The following NTRK3 variants were observed in gnomAD, a reference collection of about 807,000 sequenced individuals.
The protein encoded by NTRK3 is NT-3 growth factor receptor.
A neutral mutation model predicts 91.7 loss-of-function variants in NTRK3; 24 were observed. That is an observed-to-expected ratio of 0.26 (90% CI 0.19 to 0.37). The LOEUF is 0.37. Among genes scored for constraint, NTRK3 ranks in the 10% least tolerant of loss-of-function variants. NTRK3 has a pLI of 1.00. For missense variants in NTRK3, 880 were observed against 1,068.9 expected, an observed-to-expected ratio of 0.82 and a Z score of 2.46; for synonymous variants, 483 against 404.0, an observed-to-expected ratio of 1.20 and a Z score of -2.34.
At chr15:87,879,106 A>C (rs921043389) in intron 18 of NTRK3, among the ~76,000 whole-genome samples, 3 of 152,302 alleles carry the variant, frequency 2.0e-5, no homozygotes, top group South Asian at 2.1e-4. Context: ...GAGCTTGTGA[A>C]TCATGAGATA....
intron 13 of NTRK3, among the ~76,000 whole-genome samples, chr15:88,059,851 C>T (rs754140912): frequency 1.5e-4 from 23 of 152,190 alleles, no homozygotes; most frequent in Admixed American, 3.9e-4. Context: ...CAAGCCCTAA[C>T]CCAATGTCAC....
intron 13 of NTRK3, among the ~76,000 whole-genome samples, chr15:88,082,393 GA>G (rs1211092526): frequency 6.6e-6 from 1 of 152,080 alleles, no homozygotes; most frequent in Non-Finnish European, 1.5e-5. Context: ...TACATGCAAT[GA>G]GTGCTGATCT....
At chr15:88,082,307 G>A (rs1448147680) in intron 13 of NTRK3, among the ~76,000 whole-genome samples, 7 of 150,966 alleles carry the variant, frequency 4.6e-5, no homozygotes. Context: ...AGGTTCACCT[G>A]ACCATGGTGC....
intron 11 of NTRK3, among the ~76,000 whole-genome samples, chr15:88,128,054 C>G (rs1296470339): frequency 6.6e-6 from 1 of 152,196 alleles, no homozygotes; most frequent in African/African-American, 2.4e-5. Context: ...CCTATTATCT[C>G]AAGCCAGACA....
chr15:88,225,402 C>G (rs1182807640), intron 3 of NTRK3, among the ~76,000 whole-genome samples: 1 of 152,158 alleles, frequency 6.6e-6, no homozygotes, highest in Non-Finnish European at 1.5e-5. Context: ...CTGCAGAAGC[C>G]ACCCATCCCA....
intron 5 of NTRK3, among the ~76,000 whole-genome samples, chr15:88,181,125 A>C (rs1375536901): frequency 6.6e-6 from 1 of 151,956 alleles, no homozygotes; most frequent in East Asian, 1.9e-4. Context: ...ACTAATGGTC[A>C]TCCATCCTTC....
intron 14 of NTRK3, among the ~76,000 whole-genome samples, chr15:88,010,344 C>T (rs1169414413): frequency 1.3e-5 from 2 of 152,192 alleles, no homozygotes; most frequent in African/African-American, 2.4e-5. Context: ...CTTGGAACTT[C>T]GGGTCTTCTC....
At position 88,005,111 on chromosome 15, in the gene NTRK3, A is replaced by G. The variant is rs546167088; in HGVS notation, c.1585+27746T>C. On this transcript the variant is annotated intron_variant, in intron 14 of 18. Transcript: ENST00000394480. ...TTTCACCTGCATTTGTTTTCCCTCTATTGATTTGGGTCTCTTTGCTCACTG... is the reference window on the plus strand; with the variant it reads ...TTTCACCTGCATTTGTTTTCCCTCTGTTGATTTGGGTCTCTTTGCTCACTG... Among the ~76,000 whole-genome samples, 13 of 152,172 alleles carry G rather than the reference A, an allele frequency of 8.5e-5. 1 individual carries two copies. The highest frequency in any genetic ancestry group is 4.6e-4 in the Admixed American group (7 of 15,296).
chr15:87,964,714 G>A (rs1368981484), intron 14 of NTRK3, among the ~76,000 whole-genome samples: 1 of 152,106 alleles, frequency 6.6e-6, no homozygotes, highest in Non-Finnish European at 1.5e-5. Flanking sequence ...GCCTCTTCTT[G>A]ACATTGCACA....
chr15:88,181,062 G>A (rs751238078), intron 5 of NTRK3, among the ~76,000 whole-genome samples: 2 of 152,090 alleles, frequency 1.3e-5, no homozygotes, highest in Non-Finnish European at 2.9e-5. Flanking sequence ...CTTGAACTAG[G>A]TTGAGCACCC....
chr15:87,957,158 AG>A (rs1367778233), intron 14 of NTRK3, among the ~76,000 whole-genome samples: 2 of 142,760 alleles, frequency 1.4e-5, no homozygotes, highest in Non-Finnish European at 3.0e-5. Context: ...CAGTTTCCTT[AG>A]CTGTAAAATG....
At chr15:87,922,106 A>G (rs1489387631) in intron 17 of NTRK3, among the ~76,000 whole-genome samples, 1 of 152,172 alleles carries the variant, frequency 6.6e-6, no homozygotes, top group Non-Finnish European at 1.5e-5. Context: ...CTAAAAGTCA[A>G]TTGCCTCAAA....
At chr15:88,057,023 G>T (rs986606123) in intron 13 of NTRK3, among the ~76,000 whole-genome samples, 1 of 151,376 alleles carries the variant, frequency 6.6e-6, no homozygotes, top group Non-Finnish European at 1.5e-5. Context: ...ACAAAAATTA[G>T]CCGGGCATGG....
At chr15:88,115,181 C>A (rs1331307007) in intron 13 of NTRK3, among the ~76,000 whole-genome samples, 1 of 152,208 alleles carries the variant, frequency 6.6e-6, no homozygotes, top group Non-Finnish European at 1.5e-5. Context: ...TGTCCATTTT[C>A]CCAAGCTCTT....
chr15:88,025,732 T>A (rs2141939914), intron 14 of NTRK3, among the ~76,000 whole-genome samples: 1 of 152,352 alleles, frequency 6.6e-6, no homozygotes, highest in East Asian at 1.9e-4. Context: ...AAATTTCTGT[T>A]GTTTGGGGCC....
At chr15:88,131,676 C>T (rs2041365497) in intron 10 of NTRK3, among the ~76,000 whole-genome samples, 1 of 152,244 alleles carries the variant, frequency 6.6e-6, no homozygotes, top group Non-Finnish European at 1.5e-5. Flanking sequence ...AGAGAATATT[C>T]TCACGTTAGC....
intron 3 of NTRK3, chr15:88,252,853 C>T (rs1269530952): frequency 6.6e-6 from 1 of 152,224 alleles, no homozygotes; most frequent in Non-Finnish European, 1.5e-5. Context: ...TGCTCTGATG[C>T]CTTGCAACTG....
At chr15:88,242,322 A>T (rs1284846408) in intron 3 of NTRK3, among the ~76,000 whole-genome samples, 1 of 152,228 alleles carries the variant, frequency 6.6e-6, no homozygotes, top group African/African-American at 2.4e-5. Flanking sequence ...CAGGGGGCAC[A>T]GTCTTGACAA....
intron 14 of NTRK3, among the ~76,000 whole-genome samples, chr15:88,008,327 G>A (rs898462094): frequency 1.3e-5 from 2 of 152,068 alleles, no homozygotes; most frequent in African/African-American, 4.8e-5. Flanking sequence ...GTCTCTTGGG[G>A]CAAGTATCTT....
Sources: allele counts gnomAD v4.1 joint callset (sites outside exome capture counted in the v4.1 genomes callset), GRCh38; gene constraint gnomAD v4.1.1; transcripts MANE v1.5; gene names NCBI Gene and HGNC (gene_info 2026-07-23, HGNC 2026-07-21).